The following AKNA variants were observed in gnomAD, a reference collection of about 807,000 sequenced individuals.
The protein encoded by AKNA is microtubule organization protein AKNA.
AKNA carries 67 observed loss-of-function variants against 138.8 expected under a neutral mutation model. The observed-to-expected ratio is 0.48, with a 90% confidence interval of 0.40 to 0.59. The LOEUF (loss-of-function observed/expected upper bound fraction) is 0.59, where lower values mean the gene tolerates loss of function less well. Ranked by LOEUF, AKNA falls within the 20% of genes least tolerant of loss-of-function variation. The pLI, the probability that AKNA is intolerant of heterozygous loss-of-function variation, is 0.00. For missense variants in AKNA, 1,813 were observed against 1,880.4 expected (o/e 0.96, Z 0.66); for synonymous variants, 737 against 754.4 (o/e 0.98, Z 0.38).
upstream of AKNA, among the ~76,000 whole-genome samples, chr9:114,392,452 C>T (rs1285516150): frequency 6.6e-6 from 1 of 152,228 alleles, no homozygotes; most frequent in Non-Finnish European, 1.5e-5. Flanking sequence ...CATGTTCTCC[C>T]TTGGAAGCTG....
intron 9 of AKNA, among the ~76,000 whole-genome samples, chr9:114,360,279 G>A (rs1831850843): frequency 6.6e-6 from 1 of 152,108 alleles, no homozygotes; most frequent in Non-Finnish European, 1.5e-5. Flanking sequence ...CTGTGTGCCA[G>A]GCACCATACA....
Position 114,345,876 on chromosome 9 carries a change from C to T in AKNA, c.3648G>A (p.Arg1216=). The change falls in exon 18 of 22, where the codon CGG becomes CGA. Residue 1216 remains arginine, a synonymous_variant. Transcript: ENST00000374088. ...SAGWPDRVTF[R]GQYTGHEYHV... ...CTCCTGACCTACCTGTGTATTGGCC[C>T]CGGAAGGTGACCCTGTCTGGCCATC... 6.2e-7 allele frequency: 1 copy of T among 1,614,146 alleles called. No individual in the cohort carries two copies. The highest frequency in any genetic ancestry group is 8.5e-7 in the Non-Finnish European group (1 of 1,180,020).
intron 21 of AKNA, 128 bp from the exon 22 acceptor site, chr9:114,337,434 A>G: frequency 8.2e-6 from 8 of 976,560 alleles, no homozygotes; most frequent in Non-Finnish European, 1.1e-5. Context: ...TCTGGGTCTC[A>G]GTTTCTTTAC....
chr9:114,381,098 C>A lies in AKNA; in HGVS notation c.236G>T (p.Gly79Val). ...LEWDPHPQPD[G>V]HQDSESGETS... The stretch of plus-strand genomic sequence containing the variant: ...CTCTCCTGACTCGGAATCCTGATGC[C>A]CATCGGGCTGCGGGTGTGGGTCCCA... Residue 79 changes from glycine (G) to valine (V), a missense_variant, in exon 2 of 22, where the codon GGG becomes GTG. Transcript: ENST00000374088. The A allele has an allele frequency of 6.3e-7, 1 of 1,598,108 alleles. No individual in the cohort carries two copies. Among genetic ancestry groups the A allele is most frequent in the South Asian group, 1.1e-5 (1 of 89,236 alleles).
At chr9:114,390,526 G>C (rs1220901413), upstream of AKNA, among the ~76,000 whole-genome samples, 1 of 152,094 alleles carries the variant, frequency 6.6e-6, no homozygotes, top group South Asian at 2.1e-4. Flanking sequence ...GCATCCCCAC[G>C]TGGGTCCCTG....
intron 1 of AKNA, among the ~76,000 whole-genome samples, chr9:114,384,212 A>G (rs1833878747): frequency 6.6e-6 from 1 of 152,210 alleles, no homozygotes; most frequent in Admixed American, 6.5e-5. Flanking sequence ...TTGCTCGAAC[A>G]CATCACGCTA....
rs10982185 is a variant in AKNA at position 114,378,930 on chromosome 9, C to T, written c.275-1398G>A. Among the ~76,000 whole-genome samples, 202 of 152,312 alleles carry T rather than the reference C, an allele frequency of 1.3e-3. 5 individuals are homozygous for T. In the East Asian group the frequency reaches 0.031, roughly 23 times the overall value. On this transcript the variant is annotated intron_variant, in intron 2 of 21. Coordinates refer to ENST00000374088, the MANE Select transcript of AKNA (RefSeq NM_001317950.2). ...TCTGTTCAGGCAGATGCACCTTTGT[C>T]GCACTCTCTGTTCCTCCATGCTCTT...
rs766994925 is a variant in AKNA at position 114,376,459 on chromosome 9, C to T, written c.1341+7G>A. On this transcript the variant is annotated splice_region_variant and intron_variant, in intron 3 of 21. Coordinates refer to ENST00000374088, the MANE Select transcript of AKNA (RefSeq NM_001317950.2). ...GTGACACATCCACAGCCATGAGTCC[C>T]ACTAACCTGGAGCTGATGGACCAGC... The T allele has an allele frequency of 1.6e-5, 26 of 1,613,780 alleles. No individual in the cohort carries two copies. Among genetic ancestry groups the T allele is most frequent in the Admixed American group, 1.2e-4 (7 of 59,986 alleles).
At chr9:114,393,383 T>G (rs1355752285) in intron 1 of AKNA, among the ~76,000 whole-genome samples, 3 of 79,986 alleles carry the variant, frequency 3.8e-5, no homozygotes, top group African/African-American at 6.8e-5. Flanking sequence ...GCCCAGCTAA[T>G]TTTTTTTTTT....
Position 114,345,934 on chromosome 9 carries a change from G to T in AKNA, c.3590C>A (p.Ala1197Asp). ...SKTTKDSPQA[A>D]RDGKRGVGSA... ...GCCCACCCCTCTCTTTCCATCCCGA[G>T]CTGCCTGTGGACTGTCCTTGGTGGT... The change falls in exon 18 of 22, where the codon GCT (alanine) becomes GAT (aspartate). Residue 1197 changes from alanine (A) to aspartate (D), a missense_variant. Physicochemically the swap from Ala to Asp is moderately radical, Grantham distance 126. Coordinates refer to ENST00000374088, the MANE Select transcript of AKNA (RefSeq NM_001317950.2). The T allele has an allele frequency of 6.2e-7, 1 of 1,614,108 alleles. No individual in the cohort carries two copies. The highest frequency in any genetic ancestry group is 8.5e-7 in the Non-Finnish European group (1 of 1,180,012).
upstream of AKNA, among the ~76,000 whole-genome samples, chr9:114,398,232 C>T (rs553469527): frequency 6.3e-3 from 958 of 152,306 alleles, 9 homozygotes; most frequent in African/African-American, 0.022. The surrounding 1 kb of genome is among the most constrained non-coding windows in gnomAD (Gnocchi z 4.2). Context: ...GTCCAGGGCT[C>T]CCTCCCATTC....
intron 3 of AKNA, among the ~76,000 whole-genome samples, chr9:114,374,824 C>T (rs545375315): frequency 2.6e-5 from 4 of 152,194 alleles, no homozygotes; most frequent in Non-Finnish European, 5.9e-5. Flanking sequence ...GGGTCAGTAA[C>T]GGTAACAGTA....
At chr9:114,358,487 C>A in intron 11 of AKNA, 1 of 341,508 alleles carries the variant, frequency 2.9e-6, no homozygotes. Context: ...CCATAAACTT[C>A]CATCTACTCC....
intron 1 of AKNA, among the ~76,000 whole-genome samples, chr9:114,387,069 T>C (rs1589040873): frequency 6.6e-6 from 1 of 152,056 alleles, no homozygotes; most frequent in Non-Finnish European, 1.5e-5. Context: ...GATTCAAAGC[T>C]GGGGTACCGC....
intron 7 of AKNA, among the ~76,000 whole-genome samples, chr9:114,363,531 T>A (rs1204780358): frequency 6.6e-6 from 1 of 152,238 alleles, no homozygotes; most frequent in Non-Finnish European, 1.5e-5. Flanking sequence ...ACACATTTTG[T>A]GATTGGAAAA....
In AKNA at chr9:114,357,994, C is replaced by G. The variant is rs778019067; in HGVS notation, c.2666G>C (p.Ser889Thr). 3 of 1,606,430 alleles carry G rather than the reference C, an allele frequency of 1.9e-6. No homozygotes were observed. ...SAASHQSSMT[S>T]LEGSGISERL... ...CTCAGAGATGCCGCTTCCCTCCAGG[C>G]TGGTCATACTACTTTGGTGGGATGC... is the stretch of plus-strand genomic sequence containing the variant. Residue 889 changes from serine (S) to threonine (T), a missense_variant, in exon 12 of 22, where the codon AGC (serine) becomes ACC (threonine). Physicochemically the swap from Ser to Thr is moderately conservative, Grantham distance 58. Coordinates refer to ENST00000374088, the MANE Select transcript of AKNA (RefSeq NM_001317950.2).
At position 114,337,013 on chromosome 9, in the gene AKNA, G is replaced by GTCCCCCCCCCCC; in HGVS notation, c.*40_*41insGGGGGGGGGGGA. 1 of 1,185,370 alleles carries GTCCCCCCCCCCC rather than the reference G, an allele frequency of 8.4e-7. No homozygotes were observed. Among genetic ancestry groups the GTCCCCCCCCCCC allele is most frequent in the South Asian group, 2.5e-5 (1 of 40,612 alleles). 73.4% of individuals were successfully genotyped at this position (1,185,370 alleles called of 1,614,324 possible). On this transcript the variant is annotated 3_prime_UTR_variant, in exon 22 of 22. Coordinates refer to ENST00000374088, the MANE Select transcript of AKNA (RefSeq NM_001317950.2). ...CCACTCCTGGCCTGGCAGGCCACCT[G>GTCCCCCCCCCCC]CCCACCCACCCACCCATCTGCCTCT...
chr9:114,372,884 GC>G (rs1832874094), intron 4 of AKNA, among the ~76,000 whole-genome samples: 1 of 143,342 alleles, frequency 7.0e-6, no homozygotes, highest in Admixed American at 7.7e-5. Flanking sequence ...AGTCTGATTA[GC>G]CCCTCTTTTA....
chr9:114,368,527 G>A lies in AKNA; in HGVS notation c.1485C>T (p.Thr495=). The change falls in exon 5 of 22, where the codon ACC becomes ACT. Residue 495 remains threonine (T), a synonymous_variant. Transcript: ENST00000374088. ...GTGGGATGGTGAAGGACAAGACCTT[G>A]GTCCCCTGGGGCACCATTCCCGTGT... ...SIHTGMVPQG[T]KVLSFTIPQP... is the part of the protein sequence containing the mutation. The A allele has an allele frequency of 7.2e-7, 1 of 1,379,472 alleles. No homozygotes were observed. 85.5% of individuals were successfully genotyped at this position (1,379,472 alleles called of 1,614,324 possible). A position where few individuals can be genotyped will look rare whatever the true frequency, so the allele number is the denominator to read the frequency against.
Sources: allele counts gnomAD v4.1 joint callset (sites outside exome capture counted in the v4.1 genomes callset), GRCh38; gene constraint gnomAD v4.1.1; non-coding constraint Gnocchi (gnomAD v3.1); transcripts MANE v1.5; gene names NCBI Gene and HGNC (gene_info 2026-07-23, HGNC 2026-07-21).